Variants in DLGAP1 observed in about 807,000 individuals in gnomAD.
DLGAP1 encodes the protein disks large-associated protein 1.
Under a neutral mutation model 90.8 loss-of-function variants are expected in DLGAP1, and 11 were observed. That is an observed-to-expected ratio of 0.12 (90% confidence interval 0.08 to 0.20). The LOEUF is 0.20. Ranked by LOEUF, DLGAP1 falls within the 10% of genes least tolerant of loss-of-function variation. The pLI is 1.00. For missense variants in DLGAP1, 1,050 were observed against 1,333.8 expected (o/e 0.79, Z 3.31); for synonymous variants, 558 against 540.7 (o/e 1.03, Z -0.44).
intron 3 of DLGAP1, among the ~76,000 whole-genome samples, chr18:3,965,310 G>T (rs927989087): frequency 1.3e-5 from 2 of 152,128 alleles, no homozygotes; most frequent in Non-Finnish European, 1.5e-5. Context: ...CTAATGTTTT[G>T]CAAAAAATAA....
At chr18:3,897,088 G>A (rs1034840984) in intron 3 of DLGAP1, 1 of 152,234 alleles carries the variant, frequency 6.6e-6, no homozygotes, top group Non-Finnish European at 1.5e-5. Flanking sequence ...CTTCATTTCT[G>A]AGGAGTCCCA....
chr18:4,294,336 C>G (rs1281357724), intron 1 of DLGAP1: 1 of 152,252 alleles, frequency 6.6e-6, no homozygotes, highest in East Asian at 1.9e-4. Flanking sequence ...TGAGAGCACC[C>G]CTGATTCCAC....
chr18:4,137,379 C>T (rs548386943), intron 2 of DLGAP1, among the ~76,000 whole-genome samples: 8 of 152,238 alleles, frequency 5.3e-5, no homozygotes, highest in Admixed American at 5.2e-4. Flanking sequence ...ATTGAAGAGA[C>T]TGTTCTATCT....
chr18:3,795,756 C>G (rs900852737), intron 5 of DLGAP1, among the ~76,000 whole-genome samples: 1 of 152,114 alleles, frequency 6.6e-6, no homozygotes, highest in East Asian at 1.9e-4. Flanking sequence ...GTAGCTAGAC[C>G]GGGAGATAGA....
At chr18:3,543,166 AT>A (rs76751283) in intron 9 of DLGAP1, among the ~76,000 whole-genome samples, 1,631 of 64,076 alleles carry the variant, frequency 0.025, 20 homozygotes, top group African/African-American at 0.06. Context: ...CATGACTCCA[AT>A]TTTTTTTTTT....
chr18:3,845,063 G>A (rs899658906), intron 4 of DLGAP1, among the ~76,000 whole-genome samples: 11 of 152,098 alleles, frequency 7.2e-5, no homozygotes, highest in African/African-American at 2.2e-4. Context: ...GAGGAAAAGG[G>A]TATGTTGGGG....
chr18:4,022,083 G>T (rs2074619918), intron 2 of DLGAP1, among the ~76,000 whole-genome samples: 1 of 152,188 alleles, frequency 6.6e-6, no homozygotes, highest in Non-Finnish European at 1.5e-5. Flanking sequence ...GAGCTTTCAT[G>T]AAGGCTCTCA....
chr18:4,319,038 C>T (rs895351027), intron 1 of DLGAP1, among the ~76,000 whole-genome samples: 12 of 151,982 alleles, frequency 7.9e-5, no homozygotes, highest in African/African-American at 2.4e-4. Context: ...TGTGAGGTAA[C>T]GGATATTTTA....
At chr18:4,029,233 T>A (rs2074753319) in intron 2 of DLGAP1, among the ~76,000 whole-genome samples, 1 of 152,224 alleles carries the variant, frequency 6.6e-6, no homozygotes, top group African/African-American at 2.4e-5. Flanking sequence ...ATATACCATA[T>A]TCTCTTTATT....
chr18:4,292,407 ATATTT>A (rs1486234735), intron 1 of DLGAP1, among the ~76,000 whole-genome samples: 5 of 152,152 alleles, frequency 3.3e-5, no homozygotes, highest in African/African-American at 1.2e-4. Flanking sequence ...GAAAATATGT[ATATTT>A]TAAAGTCAGA....
rs1052027268 is a variant in DLGAP1, at chr18:3,976,905, T to A, written c.-73+28211A>T. Among the ~76,000 whole-genome samples, 13 of 152,278 alleles carry A rather than the reference T, an allele frequency of 8.5e-5. 2 individuals carry two copies. Among genetic ancestry groups the A allele is most frequent in the African/African-American group, 2.9e-4 (12 of 41,562 alleles). On this transcript the variant is annotated intron_variant, in intron 3 of 12. Transcript: ENST00000315677. ...AAATCTGTTAATTTAATAGAAAAAATATATCTCATGATTTAGATTTGCATT... is the reference window on the plus strand; with the variant it reads ...AAATCTGTTAATTTAATAGAAAAAAAATATCTCATGATTTAGATTTGCATT...
intron 2 of DLGAP1, among the ~76,000 whole-genome samples, chr18:4,122,231 T>C (rs1426993895): frequency 6.6e-6 from 1 of 152,202 alleles, no homozygotes; most frequent in East Asian, 1.9e-4. Flanking sequence ...ACAAATGTTA[T>C]AGCAGGAGGG....
intron 2 of DLGAP1, among the ~76,000 whole-genome samples, chr18:4,064,118 A>G (rs2075338091): frequency 6.6e-6 from 1 of 152,074 alleles, no homozygotes; most frequent in South Asian, 2.1e-4. Context: ...TATTCTAGAG[A>G]AATCATCTGT....
chr18:3,910,203 T>A (rs1407811957), intron 3 of DLGAP1, among the ~76,000 whole-genome samples: 1 of 151,586 alleles, frequency 6.6e-6, no homozygotes, highest in African/African-American at 2.4e-5. Context: ...ATTATCACAT[T>A]ATTATTCAAA....
At chr18:3,608,769 T>G (rs3969156) in intron 7 of DLGAP1, among the ~76,000 whole-genome samples, 47,293 of 152,062 alleles carry the variant, frequency 0.31, 7,678 homozygotes, top group Non-Finnish European at 0.34. Context: ...TGCCCTACTG[T>G]CCCCCAGTTG....
chr18:3,646,690 C>T (rs976973601), intron 7 of DLGAP1, among the ~76,000 whole-genome samples: 14 of 151,826 alleles, frequency 9.2e-5, no homozygotes, highest in African/African-American at 3.4e-4. Flanking sequence ...TGTGGGAGGC[C>T]GAGGCGGGCA....
At chr18:3,851,297 A>G (rs533688014) in intron 4 of DLGAP1, among the ~76,000 whole-genome samples, 19 of 152,312 alleles carry the variant, frequency 1.2e-4, no homozygotes, top group African/African-American at 4.3e-4. Flanking sequence ...AAATTCTAAA[A>G]GTGTTACTGA....
chr18:3,754,820 C>T (rs144383848), intron 5 of DLGAP1, among the ~76,000 whole-genome samples: 2,933 of 151,622 alleles, frequency 0.019, 52 homozygotes, highest in Middle Eastern at 0.086. Flanking sequence ...TGCTTGAACC[C>T]GGGGGTTGGA....
intron 8 of DLGAP1, among the ~76,000 whole-genome samples, chr18:3,577,600 A>G (rs888267323): frequency 3.3e-5 from 5 of 152,228 alleles, no homozygotes; most frequent in Non-Finnish European, 5.9e-5. Context: ...CATGAAAAAG[A>G]GGAGACAGAA....
Sources: allele counts gnomAD v4.1 joint callset (sites outside exome capture counted in the v4.1 genomes callset), GRCh38; gene constraint gnomAD v4.1.1; transcripts MANE v1.5; gene names NCBI Gene and HGNC (gene_info 2026-07-23, HGNC 2026-07-21).